The following CYP2J2 variants were observed in gnomAD, a reference collection of about 807,000 sequenced individuals.
The protein encoded by CYP2J2 is cytochrome P450 2J2.
A neutral mutation model predicts 48.8 loss-of-function variants in CYP2J2; 41 were observed. The observed-to-expected ratio is 0.84, with a 90% CI of 0.66 to 1.09. The LOEUF (loss-of-function observed/expected upper bound fraction) is 1.09, where lower values mean the gene tolerates loss of function less well. Among genes scored for constraint, CYP2J2 ranks in the 50% least tolerant of loss-of-function variants. The probability of loss-of-function intolerance (pLI) is 0.00; values close to 1 mark genes in which losing one functional copy is unlikely to be tolerated. For synonymous variants in CYP2J2, 221 were observed against 227.1 expected (o/e 0.97, Z 0.24); for missense variants, 644 against 617.3 (o/e 1.04, Z -0.46).
At chr1:59,956,913 C>T in the CYP2J2 span, among the ~76,000 whole-genome samples, 1 of 152,046 alleles carries the variant, frequency 6.6e-6, no homozygotes, top group Non-Finnish European at 1.5e-5. Flanking sequence ...TAGCCATAAG[C>T]CACCATGTAA....
chr1:59,936,046 C>T, the CYP2J2 span, among the ~76,000 whole-genome samples: 6 of 152,126 alleles, frequency 3.9e-5, no homozygotes, highest in Non-Finnish European at 7.4e-5. Flanking sequence ...GGATTACAGG[C>T]GTGAGCCACT....
chr1:59,959,812 T>C, the CYP2J2 span, among the ~76,000 whole-genome samples: 3 of 152,038 alleles, frequency 2.0e-5, no homozygotes, highest in Non-Finnish European at 2.9e-5. Flanking sequence ...AACCAGACAT[T>C]ATGTGTTCTC....
intron 7 of CYP2J2, among the ~76,000 whole-genome samples, chr1:59,903,904 A>T (rs2102112561): frequency 6.6e-6 from 1 of 152,320 alleles, no homozygotes; most frequent in Non-Finnish European, 1.5e-5. Context: ...AATCCATAAC[A>T]TGGAAATAAC....
At chr1:59,927,426 G>C (rs975724763), upstream of CYP2J2, among the ~76,000 whole-genome samples, 4 of 152,156 alleles carry the variant, frequency 2.6e-5, no homozygotes, top group African/African-American at 9.7e-5. Context: ...AAAGCCCCAA[G>C]ACTGTGGGAC....
chr1:59,941,500 A>G, the CYP2J2 span, among the ~76,000 whole-genome samples: 1 of 152,230 alleles, frequency 6.6e-6, no homozygotes, highest in Non-Finnish European at 1.5e-5. Context: ...ACACTTTTTA[A>G]TCATCACTTT....
chr1:59,933,161 G>T, the CYP2J2 span, among the ~76,000 whole-genome samples: 975 of 152,262 alleles, frequency 6.4e-3, 7 homozygotes, highest in Non-Finnish European at 8.9e-3. Flanking sequence ...TATTTGAAAT[G>T]ATTTCAATCA....
the CYP2J2 span, among the ~76,000 whole-genome samples, chr1:59,937,419 T>C: frequency 1.3e-4 from 19 of 149,900 alleles, no homozygotes; most frequent in South Asian, 1.0e-3. Flanking sequence ...AGGCATTCTA[T>C]TACTAAAAGA....
At chr1:59,944,851 T>C in the CYP2J2 span, among the ~76,000 whole-genome samples, 9 of 152,166 alleles carry the variant, frequency 5.9e-5, no homozygotes, top group African/African-American at 9.6e-5. Context: ...AAAAAAGCCA[T>C]TTGCATTTAT....
intron 5 of CYP2J2, among the ~76,000 whole-genome samples, 171 bp from the exon 6 acceptor site, chr1:59,908,098 T>G (rs1331700903): frequency 1.3e-5 from 2 of 152,276 alleles, no homozygotes; most frequent in African/African-American, 2.4e-5. Flanking sequence ...GCAATATCAT[T>G]AGCATTGTCC....
intron 1 of CYP2J2, among the ~76,000 whole-genome samples, chr1:59,918,385 C>T (rs1045089091): frequency 6.6e-6 from 1 of 152,164 alleles, no homozygotes; most frequent in Non-Finnish European, 1.5e-5. Context: ...AACTCCATTA[C>T]TATTTACTGA....
intron 1 of CYP2J2, 22 bp from the exon 2 acceptor site, chr1:59,916,122 A>G: frequency 1.3e-6 from 2 of 1,597,920 alleles, no homozygotes; most frequent in South Asian, 2.2e-5. Context: ...TTAAATCGTA[A>G]CAGTTGAATA....
At chr1:59,935,184 T>A in the CYP2J2 span, among the ~76,000 whole-genome samples, 1 of 151,578 alleles carries the variant, frequency 6.6e-6, no homozygotes, top group African/African-American at 2.4e-5. Context: ...ATGATTTCAA[T>A]TTTATGTGGA....
Position 59,912,260 on chromosome 1 carries a change from A to G in CYP2J2, c.425T>C (p.Leu142Pro). The change falls in exon 3 of 9, where the codon CTG becomes CCG. Residue 142 changes from leucine (L) to proline (P), a missense_variant. Leu to Pro is a moderately conservative substitution (Grantham distance 98). Transcript: ENST00000371204. ...TAAACCAAAGTTCCTTAGTGCTGTC[A>G]GAGTGAACCTTCTTTGCTCCTTCCA... is the stretch of plus-strand genomic sequence containing the variant. ...QAWKEQRRFT[L>P]TALRNFGLGK... 1 of 1,613,948 alleles carries G rather than the reference A, an allele frequency of 6.2e-7. No individual in the cohort carries two copies. The highest frequency in any genetic ancestry group is 8.5e-7 in the Non-Finnish European group (1 of 1,179,856).
chr1:59,905,725 G>A (rs1205331560), intron 6 of CYP2J2, among the ~76,000 whole-genome samples: 1 of 152,154 alleles, frequency 6.6e-6, no homozygotes, highest in Non-Finnish European at 1.5e-5. Flanking sequence ...TCATCTTAAG[G>A]ATGTTTTGAC....
intron 1 of CYP2J2, among the ~76,000 whole-genome samples, chr1:59,924,454 TATA>T (rs1199552337): frequency 1.3e-5 from 2 of 152,150 alleles, no homozygotes; most frequent in Non-Finnish European, 2.9e-5. Context: ...AAAGCAAAAT[TATA>T]ATATTATCTG....
chr1:59,915,790 G>A (rs1439562018), intron 2 of CYP2J2, 148 bp downstream of exon 2: 1 of 702,956 alleles, frequency 1.4e-6, no homozygotes, highest in African/African-American at 1.8e-5. Context: ...ATCAGGAAAT[G>A]TGAATATCCA....
intron 2 of CYP2J2, among the ~76,000 whole-genome samples, chr1:59,915,520 G>A (rs758669138): frequency 6.6e-6 from 1 of 152,192 alleles, no homozygotes; most frequent in Non-Finnish European, 1.5e-5. Context: ...AAGATCCTCT[G>A]TGTGACACAA....
intron 1 of CYP2J2, among the ~76,000 whole-genome samples, chr1:59,924,240 A>T (rs1032493388): frequency 2.6e-5 from 4 of 152,202 alleles, no homozygotes; most frequent in African/African-American, 4.8e-5. Flanking sequence ...AAATAAATAC[A>T]TTCTTAGATG....
At chr1:59,960,383 C>G in the CYP2J2 span, among the ~76,000 whole-genome samples, 10 of 152,120 alleles carry the variant, frequency 6.6e-5, no homozygotes, top group Non-Finnish European at 8.8e-5. Context: ...TTGGGAGATG[C>G]TGCAGGAAAG....
Sources: gnomAD v4.1 joint callset for allele counts (sites outside exome capture counted in the v4.1 genomes callset) on GRCh38, gnomAD v4.1.1 for gene constraint, MANE v1.5 for transcripts, NCBI Gene and HGNC (gene_info 2026-07-23, HGNC 2026-07-21) for gene names.